The following HIPK2 variants were observed in gnomAD, a reference collection of about 807,000 sequenced individuals.
HIPK2 encodes the protein homeodomain-interacting protein kinase 2.
In HIPK2, 27 loss-of-function variants were observed where a neutral mutation model predicts 113.7. The ratio of observed to expected loss-of-function variants is 0.24; its 90% CI spans 0.17 to 0.33. HIPK2 has a LOEUF of 0.33. HIPK2 is among the 10% of genes least tolerant of loss of function. The pLI, the probability that HIPK2 is intolerant of heterozygous loss-of-function variation, is 1.00. For missense variants in HIPK2, 1,257 were observed against 1,588.0 expected (o/e 0.79, Z 3.54); for synonymous variants, 631 against 642.2 (o/e 0.98, Z 0.26).
At chr7:139,615,612 A>G (rs1300975526) in intron 7 of HIPK2, among the ~76,000 whole-genome samples, 1 of 152,258 alleles carries the variant, frequency 6.6e-6, no homozygotes, top group Non-Finnish European at 1.5e-5. Flanking sequence ...TTTCACATTC[A>G]GCACTGTCTA....
chr7:139,772,396 T>C (rs187678051), intron 1 of HIPK2, among the ~76,000 whole-genome samples: 1 of 152,336 alleles, frequency 6.6e-6, no homozygotes, highest in Admixed American at 6.5e-5. Flanking sequence ...ATAAGAAACG[T>C]ATTTGCATTG....
chr7:139,749,289 G>A (rs1349242541), intron 1 of HIPK2, among the ~76,000 whole-genome samples: 1 of 152,238 alleles, frequency 6.6e-6, no homozygotes, highest in Non-Finnish European at 1.5e-5. Flanking sequence ...CCAGCACAGT[G>A]GACCCAGAAA....
At chr7:139,753,890 G>A (rs1384433409) in intron 1 of HIPK2, among the ~76,000 whole-genome samples, 2 of 152,236 alleles carry the variant, frequency 1.3e-5, no homozygotes, top group Non-Finnish European at 2.9e-5. Flanking sequence ...AAAGCAGATT[G>A]CCCCATTTAG....
At chr7:139,600,983 C>G (rs1569450731) in intron 10 of HIPK2, among the ~76,000 whole-genome samples, 1 of 152,182 alleles carries the variant, frequency 6.6e-6, no homozygotes, top group Non-Finnish European at 1.5e-5. Context: ...TGGCTCACAC[C>G]TGTAATCCCA....
intron 2 of HIPK2, among the ~76,000 whole-genome samples, chr7:139,690,269 T>C (rs1325111798): frequency 6.6e-6 from 1 of 151,736 alleles, no homozygotes; most frequent in Admixed American, 6.5e-5. Context: ...TTTAGTGGTA[T>C]GAGCAGTGCA....
At chr7:139,579,866 G>A (rs755610095) in intron 13 of HIPK2, among the ~76,000 whole-genome samples, 18 of 152,116 alleles carry the variant, frequency 1.2e-4, no homozygotes, top group Non-Finnish European at 1.6e-4. Flanking sequence ...GAGTAGGTAC[G>A]GGAGATCCGG....
At chr7:139,711,737 C>T (rs1293941027) in intron 2 of HIPK2, among the ~76,000 whole-genome samples, 1 of 151,204 alleles carries the variant, frequency 6.6e-6, no homozygotes, top group African/African-American at 2.4e-5. Context: ...CAATTTATTG[C>T]TTGCTCAAAA....
chr7:139,607,880 A>G (rs757783730), intron 9 of HIPK2, among the ~76,000 whole-genome samples: 6 of 152,116 alleles, frequency 3.9e-5, no homozygotes, highest in Non-Finnish European at 8.8e-5. Context: ...AATCCATAAA[A>G]AGCAGTCTAA....
At chr7:139,772,981 CAGACCCATGGTCT>C (rs1796678914) in intron 1 of HIPK2, among the ~76,000 whole-genome samples, 1 of 151,868 alleles carries the variant, frequency 6.6e-6, no homozygotes, top group African/African-American at 2.4e-5. Flanking sequence ...CATCTTGAAT[CAGACCCATGGTCT>C]AGTGAGTCTA....
At chr7:139,771,133 G>A (rs147113787) in intron 1 of HIPK2, among the ~76,000 whole-genome samples, 51 of 152,262 alleles carry the variant, frequency 3.3e-4, no homozygotes, top group Non-Finnish European at 5.7e-4. Flanking sequence ...TCACCTTGGA[G>A]AACCTAGTAA....
chr7:139,620,652 A>T (rs536093902), intron 6 of HIPK2, 89 bp from the exon 7 acceptor site: 3 of 1,497,998 alleles, frequency 2.0e-6, no homozygotes, highest in Non-Finnish European at 2.7e-6. Context: ...AAAGGAAAGG[A>T]GAGAAGGGTT....
At chr7:139,640,419 C>T (rs1800969528) in intron 2 of HIPK2, among the ~76,000 whole-genome samples, 1 of 152,128 alleles carries the variant, frequency 6.6e-6, no homozygotes, top group Non-Finnish European at 1.5e-5. Flanking sequence ...GAGGGCGTGG[C>T]CCGCACTTGG....
At chr7:139,745,291 G>A (rs1796171177) in intron 1 of HIPK2, among the ~76,000 whole-genome samples, 2 of 152,154 alleles carry the variant, frequency 1.3e-5, no homozygotes, top group African/African-American at 4.8e-5. Flanking sequence ...CCACCAGGGT[G>A]CGACTGTTCC....
chr7:139,692,784 T>C (rs1332866293), intron 2 of HIPK2, among the ~76,000 whole-genome samples: 1 of 152,226 alleles, frequency 6.6e-6, no homozygotes, highest in Non-Finnish European at 1.5e-5. Flanking sequence ...GGGTGGAGCA[T>C]ATGCAGATTC....
At chr7:139,717,901 G>T (rs781214682) in intron 1 of HIPK2, among the ~76,000 whole-genome samples, 5 of 151,868 alleles carry the variant, frequency 3.3e-5, no homozygotes, top group Non-Finnish European at 5.9e-5. Flanking sequence ...CTGCCACCAC[G>T]CCCGACTAAT....
At position 139,705,825 on chromosome 7, in the gene HIPK2, G is replaced by T. The variant is rs192906665; in HGVS notation, c.1103+10107C>A. Among the ~76,000 whole-genome samples, 90 of 136,746 alleles carry T rather than the reference G, an allele frequency of 6.6e-4. 1 individual carries two copies. The highest frequency in any genetic ancestry group is 2.3e-3 in the African/African-American group (84 of 36,080). 89.7% of individuals were successfully genotyped at this position (136,746 alleles called of 152,430 possible). A position where few individuals can be genotyped will look rare whatever the true frequency, so the allele number is the denominator to read the frequency against. On this transcript the variant is annotated intron_variant, in intron 2 of 14. Transcript: ENST00000406875. ...AATAATAACAAGGATGAAAAGATTA[G>T]TAAAAAAAAAAAAAAAAAAGAGCAG...
intron 2 of HIPK2, among the ~76,000 whole-genome samples, chr7:139,661,080 A>G (rs1418431902): frequency 1.3e-5 from 2 of 152,068 alleles, no homozygotes; most frequent in Admixed American, 1.3e-4. Flanking sequence ...GGGTTGATCT[A>G]TTGCCAATTT....
intron 7 of HIPK2, among the ~76,000 whole-genome samples, chr7:139,618,918 G>GAAC (rs1314739543): frequency 3.3e-5 from 5 of 152,200 alleles, no homozygotes; most frequent in African/African-American, 1.2e-4. Flanking sequence ...AGGAGGTAAT[G>GAAC]AACAAAACCA....
chr7:139,600,354 A>G (rs1282705560), intron 11 of HIPK2, 63 bp downstream of exon 11: 9 of 1,556,122 alleles, frequency 5.8e-6, no homozygotes, highest in Non-Finnish European at 7.8e-6. Flanking sequence ...TCCCTAAACT[A>G]CATTTCTTTA....
Sources: allele counts gnomAD v4.1 joint callset (sites outside exome capture counted in the v4.1 genomes callset), GRCh38; gene constraint gnomAD v4.1.1; transcripts MANE v1.5; gene names NCBI Gene and HGNC (gene_info 2026-07-23, HGNC 2026-07-21).